Variants in CNTN5 observed in about 807,000 individuals in gnomAD.
CNTN5 encodes contactin 5.
A neutral mutation model predicts 129.1 loss-of-function variants in CNTN5; 77 were observed. The ratio of observed to expected loss-of-function variants is 0.60; its 90% CI spans 0.50 to 0.72. The LOEUF is 0.72. Among genes scored for constraint, CNTN5 ranks in the 30% least tolerant of loss-of-function variants. The pLI, the probability that CNTN5 is intolerant of heterozygous loss-of-function variation, is 0.00. For synonymous variants in CNTN5, 509 were observed against 465.6 expected (o/e 1.09, Z -1.20); for missense variants, 1,478 against 1,328.8 (o/e 1.11, Z -1.75).
At chr11:99,210,884 C>A (rs757555664) in intron 1 of CNTN5, among the ~76,000 whole-genome samples, 43 of 151,994 alleles carry the variant, frequency 2.8e-4, no homozygotes, top group Non-Finnish European at 5.0e-4. Context: ...ACTGATGTAT[C>A]CTAAAGTGTC....
At chr11:99,680,561 A>G (rs994146380) in intron 3 of CNTN5, among the ~76,000 whole-genome samples, 1 of 152,158 alleles carries the variant, frequency 6.6e-6, no homozygotes, top group Non-Finnish European at 1.5e-5. Flanking sequence ...ATTTCAAAAC[A>G]TGACGGCTCA....
At chr11:99,318,001 G>C (rs936146682) in intron 1 of CNTN5, among the ~76,000 whole-genome samples, 1 of 152,044 alleles carries the variant, frequency 6.6e-6, no homozygotes, top group Non-Finnish European at 1.5e-5. Context: ...TGTGGTCCTA[G>C]ACTGAAAACT....
intron 6 of CNTN5, among the ~76,000 whole-genome samples, chr11:99,902,411 C>T (rs1396965672): frequency 1.3e-5 from 2 of 152,050 alleles, no homozygotes; most frequent in African/African-American, 4.8e-5. Context: ...AAACATCTGC[C>T]TAACCTTGAA....
intron 2 of CNTN5, among the ~76,000 whole-genome samples, chr11:99,500,936 TG>T (rs1946404193): frequency 6.6e-6 from 1 of 152,226 alleles, no homozygotes; most frequent in South Asian, 2.1e-4. Context: ...TTTTCTTACC[TG>T]TAATCTGTAT....
intron 3 of CNTN5, among the ~76,000 whole-genome samples, chr11:99,722,486 G>A (rs1423219910): frequency 6.6e-6 from 1 of 151,980 alleles, no homozygotes; most frequent in African/African-American, 2.4e-5. Context: ...TCTTGGGGAG[G>A]GTGAAAGGAG....
intron 13 of CNTN5, among the ~76,000 whole-genome samples, chr11:100,075,962 C>T (rs927164911): frequency 1.3e-5 from 2 of 151,986 alleles, no homozygotes; most frequent in East Asian, 1.9e-4. Flanking sequence ...GCCCCAACAT[C>T]GTACAACTTG....
intron 9 of CNTN5, among the ~76,000 whole-genome samples, chr11:100,041,545 A>T (rs1262292839): frequency 2.6e-5 from 4 of 152,138 alleles, no homozygotes; most frequent in African/African-American, 9.7e-5. Context: ...TTGGCATGTG[A>T]TTCTCCTGGG....
intron 1 of CNTN5, among the ~76,000 whole-genome samples, chr11:99,270,541 G>T (rs906383939): frequency 6.6e-6 from 1 of 151,818 alleles, no homozygotes; most frequent in African/African-American, 2.4e-5. Context: ...TATTATGAAT[G>T]AGTCTTTTTT....
intron 3 of CNTN5, among the ~76,000 whole-genome samples, chr11:99,681,354 A>G (rs1338461657): frequency 6.6e-6 from 1 of 151,992 alleles, no homozygotes; most frequent in African/African-American, 2.4e-5. Context: ...TTGTGAAAGG[A>G]AGAGACAAAC....
At chr11:99,337,612 A>G (rs941525728) in intron 2 of CNTN5, among the ~76,000 whole-genome samples, 29 of 152,082 alleles carry the variant, frequency 1.9e-4, no homozygotes, top group African/African-American at 6.8e-4. Context: ...TAAACCCACA[A>G]CCTTCCAGCT....
intron 7 of CNTN5, among the ~76,000 whole-genome samples, chr11:99,930,166 A>G (rs1376215850): frequency 6.6e-6 from 1 of 152,100 alleles, no homozygotes; most frequent in African/African-American, 2.4e-5. Flanking sequence ...GTGCTCTCTT[A>G]GAGCAGTTTT....
At chr11:100,084,138 A>G (rs1944463602) in intron 13 of CNTN5, among the ~76,000 whole-genome samples, 3 of 152,172 alleles carry the variant, frequency 2.0e-5, no homozygotes, top group Admixed American at 1.3e-4. Context: ...CCCAGTTACT[A>G]TAAATTGCTT....
intron 1 of CNTN5, among the ~76,000 whole-genome samples, chr11:99,223,188 G>A (rs1860492696): frequency 6.6e-6 from 1 of 152,078 alleles, no homozygotes; most frequent in African/African-American, 2.4e-5. Context: ...ATCCTATTCT[G>A]TTCTATCCTG....
chr11:99,619,345 T>C (rs1950858412), intron 3 of CNTN5, among the ~76,000 whole-genome samples: 1 of 152,138 alleles, frequency 6.6e-6, no homozygotes, highest in Admixed American at 6.5e-5. Flanking sequence ...AATAGCTCAA[T>C]GAGCAACTAA....
At chr11:99,689,454 G>T (rs752404005) in intron 3 of CNTN5, among the ~76,000 whole-genome samples, 7 of 149,986 alleles carry the variant, frequency 4.7e-5, no homozygotes, top group Non-Finnish European at 5.9e-5. Flanking sequence ...GTGAACCCGG[G>T]AGGTGGAGCT....
chr11:99,411,672 T>C (rs1348586550), intron 2 of CNTN5, among the ~76,000 whole-genome samples: 1 of 152,192 alleles, frequency 6.6e-6, no homozygotes, highest in African/African-American at 2.4e-5. Context: ...TACTTCAAAT[T>C]ACTCCTATTT....
Position 100,002,159 on chromosome 11 carries a change from T to G in CNTN5, c.980+23T>G, listed in dbSNP as rs1444528485. On this transcript the variant is annotated intron_variant, in intron 9 of 24. Coordinates refer to ENST00000524871, the MANE Select transcript of CNTN5 (RefSeq NM_014361.4). ...CAAGTAAGTACATGTTCTTCCATAA[T>G]TAAACACAATTTTTTATTAAAATGT... 2.9e-6 allele frequency: 4 copies of G among 1,382,846 alleles called. No homozygotes were observed. In the Middle Eastern group the frequency reaches 5.4e-4, roughly 186 times the overall value. The allele number at this position is 1,382,846 out of a possible 1,614,324, so 85.7% of individuals were successfully genotyped here. A position where few individuals can be genotyped will look rare whatever the true frequency, so the allele number is the denominator to read the frequency against.
At chr11:100,161,874 A>ACACAC (rs1565302482) in intron 13 of CNTN5, among the ~76,000 whole-genome samples, 3 of 61,150 alleles carry the variant, frequency 4.9e-5, no homozygotes, top group African/African-American at 2.1e-4. Flanking sequence ...CACACACACA[A>ACACAC]AACAAAAAAC....
intron 3 of CNTN5, among the ~76,000 whole-genome samples, chr11:99,798,973 C>A (rs764518222): frequency 6.6e-6 from 1 of 151,964 alleles, no homozygotes; most frequent in Non-Finnish European, 1.5e-5. Flanking sequence ...TTGTAGAGAT[C>A]TTTTATCTCC....
Sources: gnomAD v4.1 joint callset for allele counts (sites outside exome capture counted in the v4.1 genomes callset) on GRCh38, gnomAD v4.1.1 for gene constraint, MANE v1.5 for transcripts, NCBI Gene and HGNC (gene_info 2026-07-23, HGNC 2026-07-21) for gene names.